NAV2: variants seen among roughly 807,000 people sequenced by gnomAD.
The protein encoded by NAV2 is neuron navigator 2.
A neutral mutation model predicts 223.2 loss-of-function variants in NAV2; 54 were observed. The observed-to-expected ratio is 0.24, with a 90% CI of 0.19 to 0.30. The LOEUF is 0.30. NAV2 is among the 10% of genes least tolerant of loss of function. The pLI, the probability that NAV2 is intolerant of heterozygous loss-of-function variation, is 1.00. For synonymous variants in NAV2, 1,279 were observed against 1,239.3 expected (o/e 1.03, Z -0.67); for missense variants, 2,806 against 3,147.5 (o/e 0.89, Z 2.60).
intron 11 of NAV2, among the ~76,000 whole-genome samples, chr11:19,994,552 G>GA (rs1166444365): frequency 0.056 from 3,497 of 62,968 alleles, 108 homozygotes; most frequent in African/African-American, 0.15. Flanking sequence ...CTGTCTCAAA[G>GA]AAAAAAAAAA....
intron 11 of NAV2, among the ~76,000 whole-genome samples, chr11:19,994,349 C>T (rs2051649047): frequency 2.0e-5 from 3 of 152,020 alleles, no homozygotes; most frequent in Admixed American, 2.0e-4. Flanking sequence ...GAGTTCGAGG[C>T]TAGCCTAGCC....
At chr11:19,995,837 G>A (rs899769115) in intron 11 of NAV2, among the ~76,000 whole-genome samples, 1 of 151,800 alleles carries the variant, frequency 6.6e-6, no homozygotes, top group African/African-American at 2.4e-5. Context: ...TATTTTTTTT[G>A]GGTGCTTTGA....
At chr11:19,741,338 T>G (rs2052776273) in intron 1 of NAV2, among the ~76,000 whole-genome samples, 1 of 152,062 alleles carries the variant, frequency 6.6e-6, no homozygotes. Flanking sequence ...ATAGTCCTCA[T>G]GCTGCACTTT....
At chr11:19,561,985 T>C (rs1376863582) in intron 1 of NAV2, among the ~76,000 whole-genome samples, 1 of 152,220 alleles carries the variant, frequency 6.6e-6, no homozygotes, top group Admixed American at 6.5e-5. Flanking sequence ...TCTCCTGCCA[T>C]TGATGGGCCT....
At chr11:19,839,421 A>AAG (rs992443954) in intron 2 of NAV2, among the ~76,000 whole-genome samples, 1 of 152,068 alleles carries the variant, frequency 6.6e-6, no homozygotes, top group Non-Finnish European at 1.5e-5. Flanking sequence ...AAAGGGAGCA[A>AAG]AGAGAGAGAG....
intron 11 of NAV2, among the ~76,000 whole-genome samples, chr11:19,991,065 C>G (rs922769668): frequency 6.6e-6 from 1 of 152,168 alleles, no homozygotes; most frequent in African/African-American, 2.4e-5. Flanking sequence ...TTGTGAGGAT[C>G]AAATGAGGTG....
chr11:19,544,614 C>T (rs766762884), intron 1 of NAV2, among the ~76,000 whole-genome samples: 25 of 152,198 alleles, frequency 1.6e-4, no homozygotes, highest in African/African-American at 4.3e-4. Flanking sequence ...AGAATTCATC[C>T]TCTGGAAGAA....
chr11:19,801,807 A>T (rs979770139), intron 1 of NAV2, among the ~76,000 whole-genome samples: 1 of 152,178 alleles, frequency 6.6e-6, no homozygotes, highest in African/African-American at 2.4e-5. Context: ...TCAAAATGTG[A>T]AATTAAGAGG....
At chr11:19,621,851 G>T (rs910167727) in intron 1 of NAV2, among the ~76,000 whole-genome samples, 1 of 152,106 alleles carries the variant, frequency 6.6e-6, no homozygotes, top group Non-Finnish European at 1.5e-5. Flanking sequence ...TGATGGTAGG[G>T]TGTCAATTTT....
chr11:20,055,731 G>A, intron 18 of NAV2, 38 bp from the exon 19 acceptor site: 1 of 1,565,596 alleles, frequency 6.4e-7, no homozygotes, highest in Non-Finnish European at 8.8e-7. Context: ...ACAGAGACAT[G>A]AATGTCTAAC....
At chr11:20,042,522 A>G (rs1402635998) in intron 12 of NAV2, among the ~76,000 whole-genome samples, 1 of 151,548 alleles carries the variant, frequency 6.6e-6, no homozygotes, top group African/African-American at 2.4e-5. Context: ...AAATGAAAGA[A>G]CTCATAAGGT....
At chr11:19,706,322 G>A (rs1241948663) in intron 1 of NAV2, among the ~76,000 whole-genome samples, 1 of 152,216 alleles carries the variant, frequency 6.6e-6, no homozygotes. Flanking sequence ...AAGTAGGAGA[G>A]TGGAACATAC....
chr11:19,612,994 C>T (rs2135346467), intron 1 of NAV2, among the ~76,000 whole-genome samples: 1 of 152,090 alleles, frequency 6.6e-6, no homozygotes, highest in East Asian at 1.9e-4. Context: ...CAGAATCATC[C>T]CGGAAGGCAA....
In NAV2 at chr11:20,049,160, C is replaced by T; in HGVS notation, c.4335C>T (p.Val1445=). The T allele has an allele frequency of 6.2e-7, 1 of 1,609,552 alleles. No individual in the cohort carries two copies. Among genetic ancestry groups the T allele is most frequent in the Non-Finnish European group, 8.5e-7 (1 of 1,177,752 alleles). The change falls in exon 15 of 38, where the codon GTC becomes GTT. Residue 1445 remains valine, a synonymous_variant. Transcript: ENST00000349880. The part of the protein sequence containing the change: ...SSKDDSLTPF[V]RTNSVKTTLS... ...AGGACGACTCCTTGACTCCCTTTGT[C>T]AGAACTAACAGTGTGAAGACCACAC...
At chr11:20,107,894 C>A (rs191237778) in intron 36 of NAV2, 112 bp downstream of exon 36, 9 of 760,570 alleles carry the variant, frequency 1.2e-5, no homozygotes, top group African/African-American at 1.7e-5. Flanking sequence ...GGGTGACAAC[C>A]CCTCACCTGG....
At chr11:19,443,382 A>G (rs1306759282) in intron 1 of NAV2, among the ~76,000 whole-genome samples, 1 of 152,250 alleles carries the variant, frequency 6.6e-6, no homozygotes, top group Non-Finnish European at 1.5e-5. Context: ...ACCAATGAGA[A>G]GGAAGAAACT....
intron 6 of NAV2, among the ~76,000 whole-genome samples, chr11:19,898,959 C>CA (rs377520854): frequency 2.0e-5 from 3 of 152,156 alleles, no homozygotes; most frequent in Non-Finnish European, 4.4e-5. Context: ...TAACATAGTA[C>CA]AAAAAAGCAC....
intron 6 of NAV2, among the ~76,000 whole-genome samples, chr11:19,901,608 T>G (rs969229987): frequency 6.6e-6 from 1 of 152,180 alleles, no homozygotes; most frequent in African/African-American, 2.4e-5. Flanking sequence ...TTATGGGGAA[T>G]GGAGGTAATA....
intron 1 of NAV2, among the ~76,000 whole-genome samples, chr11:19,722,831 G>A (rs947256883): frequency 1.3e-5 from 2 of 152,224 alleles, no homozygotes; most frequent in Admixed American, 6.5e-5. Context: ...GAGACACAGA[G>A]TGGGCAACCT....
Sources: gnomAD v4.1 joint callset for allele counts (sites outside exome capture counted in the v4.1 genomes callset) on GRCh38, gnomAD v4.1.1 for gene constraint, MANE v1.5 for transcripts, NCBI Gene and HGNC (gene_info 2026-07-23, HGNC 2026-07-21) for gene names.